Variants in C12orf50 observed in about 807,000 individuals in gnomAD.
The protein encoded by C12orf50 is uncharacterized protein C12orf50.
Under a neutral mutation model 61.6 loss-of-function variants are expected in C12orf50, and 35 were observed. That is an observed-to-expected ratio of 0.57 (90% confidence interval 0.43 to 0.75). C12orf50 has a LOEUF of 0.75. C12orf50 is among the 30% of genes least tolerant of loss of function. The pLI is 0.00. For missense variants in C12orf50, 475 were observed against 488.5 expected (o/e 0.97, Z 0.26); for synonymous variants, 178 against 161.5 (o/e 1.10, Z -0.77).
intron 3 of C12orf50, among the ~76,000 whole-genome samples, chr12:88,013,159 A>G (rs1440686762): frequency 6.6e-6 from 1 of 152,138 alleles, no homozygotes; most frequent in Non-Finnish European, 1.5e-5. Flanking sequence ...AAATAAAGAG[A>G]CATGACAACC....
At chr12:87,986,089 CA>C in intron 10 of C12orf50, 36 bp from the exon 11 acceptor site, 2 of 1,597,034 alleles carry the variant, frequency 1.3e-6, no homozygotes, top group Non-Finnish European at 1.7e-6. Flanking sequence ...AGGAATAAAA[CA>C]GGCTGGTTTC....
chr12:87,992,312 T>C (rs1592652704), intron 7 of C12orf50, among the ~76,000 whole-genome samples: 1 of 152,266 alleles, frequency 6.6e-6, no homozygotes, highest in East Asian at 1.9e-4. Context: ...GGTTCAGTGT[T>C]TGCTAATTCA....
At chr12:87,993,007 C>G (rs545018153) in intron 7 of C12orf50, among the ~76,000 whole-genome samples, 2 of 152,090 alleles carry the variant, frequency 1.3e-5, no homozygotes, top group South Asian at 4.2e-4. Context: ...ATTATTTTAT[C>G]TAGTGACACA....
At chr12:88,005,911 G>GTTTTTTTT in intron 3 of C12orf50, among the ~76,000 whole-genome samples, 151 of 109,908 alleles carry the variant, frequency 1.4e-3, no homozygotes, top group African/African-American at 5.5e-3. Context: ...TTGTTTTTTT[G>GTTTTTTTT]GTTTTTTTTT....
At chr12:88,005,755 T>G (rs2031838178) in intron 3 of C12orf50, among the ~76,000 whole-genome samples, 1 of 151,482 alleles carries the variant, frequency 6.6e-6, no homozygotes, top group East Asian at 1.9e-4. Flanking sequence ...GAATCCATGT[T>G]TTTAAACACC....
At chr12:88,001,459 A>G (rs915545317) in intron 3 of C12orf50, among the ~76,000 whole-genome samples, 2 of 151,214 alleles carry the variant, frequency 1.3e-5, no homozygotes, top group African/African-American at 2.4e-5. Flanking sequence ...TTCATAGGAA[A>G]AGTTTGGTCT....
At chr12:87,987,518 T>A (rs1210475599) in intron 9 of C12orf50, among the ~76,000 whole-genome samples, 4 of 152,080 alleles carry the variant, frequency 2.6e-5, no homozygotes, top group Admixed American at 6.6e-5. Flanking sequence ...TAATAAAAAA[T>A]AATCCAAAAC....
At chr12:87,986,715 A>G (rs916184761) in intron 9 of C12orf50, among the ~76,000 whole-genome samples, 1 of 152,206 alleles carries the variant, frequency 6.6e-6, no homozygotes, top group African/African-American at 2.4e-5. Flanking sequence ...CATTCAAAAT[A>G]TAATTATAAA....
At chr12:88,026,719 T>C (rs1301806563) in intron 2 of C12orf50, 111 bp from the exon 3 acceptor site, 9 of 1,413,178 alleles carry the variant, frequency 6.4e-6, no homozygotes, top group Non-Finnish European at 8.6e-6. Context: ...GTTAACTGAT[T>C]TAGGATCATG....
At chr12:88,003,273 A>C (rs905571599) in intron 3 of C12orf50, among the ~76,000 whole-genome samples, 1 of 151,820 alleles carries the variant, frequency 6.6e-6, no homozygotes, top group African/African-American at 2.4e-5. Flanking sequence ...AATATATTAC[A>C]TTTCTAAATG....
At chr12:88,026,875 G>A in intron 2 of C12orf50, 76 bp downstream of exon 2, 3 of 1,536,928 alleles carry the variant, frequency 2.0e-6, no homozygotes, top group Non-Finnish European at 2.6e-6. Context: ...CTTCCATATT[G>A]TTTTGAAAAA....
intron 3 of C12orf50, among the ~76,000 whole-genome samples, chr12:88,012,045 A>C (rs7966323): frequency 0.26 from 40,133 of 152,130 alleles, 10,756 homozygotes; most frequent in African/African-American, 0.69. Flanking sequence ...ATGTGAACCA[A>C]CAGAGCTGTT....
Position 88,005,978 on chromosome 12 carries a change from G to A in C12orf50, c.134-7788C>T, listed in dbSNP as rs1472040599. 4.1e-5 allele frequency among the ~76,000 whole-genome samples: 6 copies of A among 146,050 alleles called. No individual in the cohort carries two copies. The South Asian group carries it at 8.7e-4, about 21-fold the overall frequency. ...GTCGCCCAGGCTGGAGTGCAGTGGC[G>A]CAATCTCGGCTCACTGCAAGCTCCG... On this transcript the variant is annotated intron_variant, in intron 3 of 12. Transcript: ENST00000298699.
intron 3 of C12orf50, among the ~76,000 whole-genome samples, chr12:88,004,319 A>G (rs956477069): frequency 1.4e-4 from 21 of 152,240 alleles, no homozygotes; most frequent in Non-Finnish European, 2.8e-4. Flanking sequence ...TAATCATTAG[A>G]GAAATGCAAC....
chr12:88,016,527 G>A (rs917871620), intron 3 of C12orf50, among the ~76,000 whole-genome samples: 4 of 152,146 alleles, frequency 2.6e-5, no homozygotes, highest in Non-Finnish European at 4.4e-5. Context: ...CAATGCAGTA[G>A]TTCAATACAT....
At chr12:87,996,067 T>G (rs978050334) in intron 6 of C12orf50, among the ~76,000 whole-genome samples, 1 of 152,184 alleles carries the variant, frequency 6.6e-6, no homozygotes, top group Admixed American at 6.6e-5. Context: ...AATCTAGACC[T>G]CTTTGGCAGG....
intron 3 of C12orf50, among the ~76,000 whole-genome samples, chr12:88,012,814 T>C (rs1165834857): frequency 2.6e-5 from 4 of 152,108 alleles, no homozygotes; most frequent in African/African-American, 4.8e-5. Context: ...CCTGTAATCC[T>C]AGCACTTTGG....
At chr12:88,005,614 TTTTTA>T (rs1298326519) in intron 3 of C12orf50, among the ~76,000 whole-genome samples, 3 of 152,214 alleles carry the variant, frequency 2.0e-5, no homozygotes, top group African/African-American at 7.2e-5. Context: ...AAAAGAACTC[TTTTTA>T]TTTTATGTTA....
chr12:88,002,345 A>G (rs2136443737), intron 3 of C12orf50, among the ~76,000 whole-genome samples: 1 of 151,950 alleles, frequency 6.6e-6, no homozygotes, highest in Admixed American at 6.6e-5. Flanking sequence ...CAGAAGACAT[A>G]CACAGCACAA....
Sources: allele counts gnomAD v4.1 joint callset (sites outside exome capture counted in the v4.1 genomes callset), GRCh38; gene constraint gnomAD v4.1.1; transcripts MANE v1.5; gene names NCBI Gene and HGNC (gene_info 2026-07-23, HGNC 2026-07-21).